DCC: variants seen among roughly 807,000 people sequenced by gnomAD.
DCC encodes the protein DCC netrin 1 receptor.
Under a neutral mutation model 172.5 loss-of-function variants are expected in DCC, and 58 were observed. The observed-to-expected ratio is 0.34, with a 90% CI of 0.27 to 0.42. The LOEUF is 0.42. DCC is among the 10% of genes least tolerant of loss of function. The pLI is 1.00. For missense variants in DCC, 1,740 were observed against 1,791.0 expected (o/e 0.97, Z 0.51); for synonymous variants, 709 against 644.5 (o/e 1.10, Z -1.52).
At chr18:52,810,385 T>C (rs1287194184) in intron 2 of DCC, among the ~76,000 whole-genome samples, 1 of 152,174 alleles carries the variant, frequency 6.6e-6, no homozygotes. Flanking sequence ...AGCCATGCTA[T>C]TATGCCCCAG....
At chr18:52,521,339 G>A (rs1320523926) in intron 1 of DCC, among the ~76,000 whole-genome samples, 3 of 152,160 alleles carry the variant, frequency 2.0e-5, no homozygotes, top group Non-Finnish European at 4.4e-5. Context: ...TTTTAAGGCT[G>A]TTTTAGTCAT....
In DCC at chr18:53,450,140, T is replaced by C. The variant is rs867573000; in HGVS notation, c.3230-360T>C. ...AGGGGGATATATATATATATATATA[T>C]ATACACACACACATACACACATACA... On this transcript the variant is annotated intron_variant, in intron 22 of 28. Transcript: ENST00000442544. Among the ~76,000 whole-genome samples the C allele has an allele frequency of 1.1e-3, 136 of 124,460 alleles. No homozygotes were observed. The East Asian group carries it at 0.019, about 17-fold the overall frequency. The allele number at this position is 124,460 out of a possible 152,430, so 81.7% of individuals were successfully genotyped here.
intron 1 of DCC, among the ~76,000 whole-genome samples, chr18:52,545,447 C>T (rs535622510): frequency 6.6e-6 from 1 of 152,284 alleles, no homozygotes; most frequent in East Asian, 1.9e-4. Flanking sequence ...TTGAATGATG[C>T]TCACAGCCTC....
At chr18:53,170,564 T>C (rs146866494) in intron 8 of DCC, among the ~76,000 whole-genome samples, 2 of 152,318 alleles carry the variant, frequency 1.3e-5, no homozygotes, top group East Asian at 3.9e-4. Flanking sequence ...GTCCCCTTCT[T>C]GGACGCAATA....
At chr18:53,004,339 C>A (rs556210984) in intron 5 of DCC, among the ~76,000 whole-genome samples, 51 of 152,292 alleles carry the variant, frequency 3.3e-4, no homozygotes, top group African/African-American at 1.1e-3. Flanking sequence ...GAAACATCTG[C>A]ATGTTAATCT....
intron 16 of DCC, 130 bp downstream of exon 16, chr18:53,386,268 A>G: frequency 1.4e-6 from 1 of 700,660 alleles, no homozygotes; most frequent in Non-Finnish European, 2.5e-6. Flanking sequence ...ATCCTCAGAG[A>G]ATAATTATCC....
intron 9 of DCC, among the ~76,000 whole-genome samples, chr18:53,197,522 C>T (rs1404507571): frequency 7.0e-6 from 1 of 141,874 alleles, no homozygotes; most frequent in African/African-American, 2.6e-5. Context: ...TTTAAATATT[C>T]AAATGTTCAA....
intron 18 of DCC, among the ~76,000 whole-genome samples, chr18:53,401,748 A>T (rs1909309878): frequency 6.6e-6 from 1 of 152,196 alleles, no homozygotes; most frequent in Non-Finnish European, 1.5e-5. Context: ...GTTGCCGTGG[A>T]TAACAGACTT....
At chr18:52,443,873 A>G (rs926839753) in intron 1 of DCC, among the ~76,000 whole-genome samples, 4 of 152,150 alleles carry the variant, frequency 2.6e-5, no homozygotes, top group Non-Finnish European at 4.4e-5. Flanking sequence ...AGAGACAGAG[A>G]CGGGAGAAAG....
At chr18:53,162,034 C>T (rs1040483770) in intron 8 of DCC, among the ~76,000 whole-genome samples, 4 of 152,108 alleles carry the variant, frequency 2.6e-5, no homozygotes, top group South Asian at 4.2e-4. Flanking sequence ...CATGGTGGCT[C>T]ACGCCTGTAA....
At chr18:53,335,009 T>C (rs572702042) in intron 14 of DCC, among the ~76,000 whole-genome samples, 1 of 152,300 alleles carries the variant, frequency 6.6e-6, no homozygotes, top group East Asian at 1.9e-4. Context: ...TGAGGGACCC[T>C]TATATGGTTT....
At chr18:53,460,757 T>TA (rs2045548133) in intron 24 of DCC, among the ~76,000 whole-genome samples, 1 of 152,166 alleles carries the variant, frequency 6.6e-6, no homozygotes, top group Admixed American at 6.5e-5. Flanking sequence ...GCATGTGTCT[T>TA]TATAGCAGCA....
intron 2 of DCC, among the ~76,000 whole-genome samples, chr18:52,843,902 T>C (rs1208124473): frequency 6.6e-6 from 1 of 152,150 alleles, no homozygotes. Context: ...GGCTGACTCA[T>C]TTTTCAGGGG....
chr18:53,477,319 C>T (rs567260494), intron 25 of DCC, among the ~76,000 whole-genome samples: 67 of 152,158 alleles, frequency 4.4e-4, no homozygotes, highest in Non-Finnish European at 8.1e-4. Flanking sequence ...CAAATAAATT[C>T]TTAAACTTTT....
intron 1 of DCC, among the ~76,000 whole-genome samples, chr18:52,408,867 A>G (rs565478859): frequency 7.9e-5 from 12 of 152,214 alleles, no homozygotes; most frequent in Admixed American, 5.9e-4. Context: ...TTCTCTTTAA[A>G]GGGCAGACAA....
At chr18:52,416,029 T>C (rs1987013839) in intron 1 of DCC, among the ~76,000 whole-genome samples, 1 of 152,142 alleles carries the variant, frequency 6.6e-6, no homozygotes, top group African/African-American at 2.4e-5. Context: ...AATTTCCCTC[T>C]ACACACTGCT....
chr18:52,935,346 C>T (rs1218531129), intron 5 of DCC, among the ~76,000 whole-genome samples: 1 of 148,242 alleles, frequency 6.7e-6, no homozygotes, highest in Admixed American at 7.0e-5. Flanking sequence ...TATTTTAGGT[C>T]TTATATTTAT....
intron 1 of DCC, among the ~76,000 whole-genome samples, chr18:52,715,795 C>A (rs777157603): frequency 5.3e-5 from 8 of 152,160 alleles, no homozygotes; most frequent in African/African-American, 7.2e-5. Context: ...CCACCCCTGT[C>A]ACCCACTGAC....
chr18:52,901,328 G>T (rs556653275), intron 2 of DCC, among the ~76,000 whole-genome samples: 1 of 152,200 alleles, frequency 6.6e-6, no homozygotes, highest in African/African-American at 2.4e-5. Flanking sequence ...AGCTACATGG[G>T]AGACTGAGGT....
Sources: gnomAD v4.1 joint callset for allele counts (sites outside exome capture counted in the v4.1 genomes callset) on GRCh38, gnomAD v4.1.1 for gene constraint, MANE v1.5 for transcripts, NCBI Gene and HGNC (gene_info 2026-07-23, HGNC 2026-07-21) for gene names.